KCNQ1: variants seen among roughly 807,000 people sequenced by gnomAD.
KCNQ1 encodes the protein potassium voltage-gated channel subfamily KQT member 1.
Under a neutral mutation model 72.4 loss-of-function variants are expected in KCNQ1, and 49 were observed. The observed-to-expected ratio is 0.68, with a 90% CI of 0.54 to 0.86. The LOEUF (loss-of-function observed/expected upper bound fraction) is 0.86, where lower values mean the gene tolerates loss of function less well. Among genes scored for constraint, KCNQ1 ranks in the 40% least tolerant of loss-of-function variants. KCNQ1 has a pLI of 0.00. For missense variants in KCNQ1, 790 were observed against 945.1 expected (o/e 0.84, Z 2.15); for synonymous variants, 450 against 412.6 (o/e 1.09, Z -1.10).
chr11:2,754,839 A>G (rs895259816), intron 11 of KCNQ1, among the ~76,000 whole-genome samples: 4 of 152,230 alleles, frequency 2.6e-5, no homozygotes, highest in Non-Finnish European at 5.9e-5. Context: ...GTGAAAGAAA[A>G]ACATTGGTCA....
At chr11:2,770,881 G>A (rs550616949) in intron 12 of KCNQ1, among the ~76,000 whole-genome samples, 1 of 152,390 alleles carries the variant, frequency 6.6e-6, no homozygotes, top group African/African-American at 2.4e-5. Context: ...AGACAGGGAA[G>A]GGGCTGCGTG....
chr11:2,661,446 G>A lies in KCNQ1; in HGVS notation c.1394-515G>A, dbSNP rs231364. The A allele has an allele frequency of 0.08, 35,270 of 438,848 alleles. 1,680 individuals are homozygous for A. The highest frequency in any genetic ancestry group is 0.15 in the Middle Eastern group (261 of 1,750). The allele number at this position is 438,848 out of a possible 1,614,324, so 27.2% of individuals were successfully genotyped here. On this transcript the variant is annotated intron_variant, in intron 10 of 15. Coordinates refer to ENST00000155840, the MANE Select transcript of KCNQ1 (RefSeq NM_000218.3). This position sits in a 1 kb window ranked among gnomAD's most constrained non-coding sequence, Gnocchi z 5.9. ...GTACAACTGGTTGATGTAGCATCGT[G>A]TTTTGAGGAAGGAGTTCTGTGGCTG... is the stretch of plus-strand genomic sequence containing the variant.
chr11:2,461,862 G>A (rs1846283606), intron 1 of KCNQ1: 2 of 531,428 alleles, frequency 3.8e-6, no homozygotes, highest in Admixed American at 2.8e-5. Flanking sequence ...AAAGGGGTGG[G>A]TGGACGGAGG....
rs1156499874 is a variant in KCNQ1 at position 2,483,210 on chromosome 11, G to A, written c.386+37726G>A. 6.6e-6 allele frequency among the ~76,000 whole-genome samples: 1 copy of A among 152,182 alleles called. No homozygotes were observed. Among genetic ancestry groups the A allele is most frequent in the African/African-American group, 2.4e-5 (1 of 41,442 alleles). On this transcript the variant is annotated intron_variant, in intron 1 of 15. Coordinates refer to ENST00000155840, the MANE Select transcript of KCNQ1 (RefSeq NM_000218.3). The surrounding 1 kb of genome is among the most constrained non-coding windows in gnomAD (Gnocchi z 6.1). The stretch of plus-strand genomic sequence containing the variant: ...GCAGGGAAGGTGCTGGAGATAGGAC[G>A]GGAGGGCCACGAGGGTTAAGATCCT...
At chr11:2,606,143 G>T (rs1318193882) in intron 10 of KCNQ1, among the ~76,000 whole-genome samples, 2 of 152,064 alleles carry the variant, frequency 1.3e-5, no homozygotes, top group Non-Finnish European at 2.9e-5. Context: ...GTTATACATG[G>T]AATTGTTTTC....
At chr11:2,574,415 C>T (rs1054073636) in intron 6 of KCNQ1, among the ~76,000 whole-genome samples, 11 of 148,626 alleles carry the variant, frequency 7.4e-5, no homozygotes, top group Non-Finnish European at 1.5e-4. Flanking sequence ...AGGAGGCCGT[C>T]GAAGCCCACA....
rs1847276370 is a variant in KCNQ1 at position 2,515,638 on chromosome 11, C to G, written c.387-12290C>G. 6.6e-6 allele frequency among the ~76,000 whole-genome samples: 1 copy of G among 152,138 alleles called. No individual in the cohort carries two copies. The highest frequency in any genetic ancestry group is 1.5e-5 in the Non-Finnish European group (1 of 68,006). ...CCAGCCCCTCCTCACCCTAGGCAGG[C>G]CTCTCACAGAGACAAGACGAGTGTC... is the stretch of plus-strand genomic sequence containing the variant. On this transcript the variant is annotated intron_variant, in intron 1 of 15. Transcript: ENST00000155840. The surrounding 1 kb of genome is among the most constrained non-coding windows in gnomAD (Gnocchi z 4.7).
At chr11:2,702,779 G>C (rs192133897) in intron 11 of KCNQ1, among the ~76,000 whole-genome samples, 8 of 152,260 alleles carry the variant, frequency 5.3e-5, no homozygotes, top group Non-Finnish European at 1.5e-5. Context: ...CTTAGCAGTG[G>C]GGTTGCCAGG....
chr11:2,666,493 C>G (rs1359813136), intron 11 of KCNQ1: 6 of 398,568 alleles, frequency 1.5e-5, no homozygotes, highest in Non-Finnish European at 2.7e-5. Flanking sequence ...TCGAGTTGCT[C>G]TTTTCCAGCA....
intron 6 of KCNQ1, among the ~76,000 whole-genome samples, chr11:2,578,452 C>T (rs1848453103): frequency 1.3e-5 from 2 of 152,228 alleles, no homozygotes; most frequent in Non-Finnish European, 2.9e-5. Flanking sequence ...AGAGGGGACA[C>T]CTGCCTGGAC....
At chr11:2,638,852 A>G (rs1849522976) in intron 10 of KCNQ1, 1 of 152,212 alleles carries the variant, frequency 6.6e-6, no homozygotes, top group Non-Finnish European at 1.5e-5. Flanking sequence ...CATGTACACC[A>G]GTCAGATGTA....
At chr11:2,570,929 A>T (rs948762255) in intron 3 of KCNQ1, among the ~76,000 whole-genome samples, 175 bp downstream of exon 3, 4 of 152,268 alleles carry the variant, frequency 2.6e-5, no homozygotes, top group Middle Eastern at 3.4e-3. Context: ...CAGCCTCTGC[A>T]CTCAGACGCT....
rs940292575 is a variant in KCNQ1 at position 2,622,974 on chromosome 11, G to A, written c.1393+34120G>A. On this transcript the variant is annotated intron_variant, in intron 10 of 15. Transcript: ENST00000155840. ...AATGTGTAACATGTTGATATGGTTT[G>A]GCTCTGTGTTCCCACCCAAATCTCA... 3 of 398,582 alleles carry A rather than the reference G, an allele frequency of 7.5e-6. No homozygotes were observed. The East Asian group carries it at 1.1e-4, about 14-fold the overall frequency. 24.7% of individuals were successfully genotyped at this position (398,582 alleles called of 1,614,324 possible). A position where few individuals can be genotyped will look rare whatever the true frequency, so the allele number is the denominator to read the frequency against.
chr11:2,608,677 TATTCTTGAACTCCTGGCCACAAGCA>T lies in KCNQ1; in HGVS notation c.1393+19829_1393+19853del, dbSNP rs572426148. 2.1e-3 allele frequency: 855 copies of T among 398,642 alleles called. 5 individuals carry two copies. Among genetic ancestry groups the T allele is most frequent in the African/African-American group, 0.016 (795 of 48,714 alleles). The allele number at this position is 398,642 out of a possible 1,614,324, so 24.7% of individuals were successfully genotyped here. A position where few individuals can be genotyped will look rare whatever the true frequency, so the allele number is the denominator to read the frequency against. ...TAGGGTCTTGCTTTGTTGTGCATGC[TATTCTTGAACTCCTGGCCACAAGCA>T]ATTCTCGAACTCCTGGCCACAAGCA... On this transcript the variant is annotated intron_variant, in intron 10 of 15. Transcript: ENST00000155840. The surrounding 1 kb of genome is among the most constrained non-coding windows in gnomAD (Gnocchi z 4.6).
chr11:2,562,528 G>T lies in KCNQ1; in HGVS notation c.478-8100G>T, dbSNP rs1011817658. ...CACTGCCCCCACAGGGAAGCGCCTG[G>T]CTCAGCACAGGCCCAGCCCTCTGGC... On this transcript the variant is annotated intron_variant, in intron 2 of 15. Coordinates refer to ENST00000155840, the MANE Select transcript of KCNQ1 (RefSeq NM_000218.3). This position sits in a 1 kb window ranked among gnomAD's most constrained non-coding sequence, Gnocchi z 7.5. 6.6e-6 allele frequency among the ~76,000 whole-genome samples: 1 copy of T among 152,168 alleles called. No individual in the cohort carries two copies. Among genetic ancestry groups the T allele is most frequent in the African/African-American group, 2.4e-5 (1 of 41,430 alleles).
At position 2,769,417 on chromosome 11, in the gene KCNQ1, C is replaced by G. The variant is rs1348615996; in HGVS notation, c.1590+498C>G. Among the ~76,000 whole-genome samples, 1 of 152,132 alleles carries G rather than the reference C, an allele frequency of 6.6e-6. No individual in the cohort carries two copies. The highest frequency in any genetic ancestry group is 2.4e-5 in the African/African-American group (1 of 41,420). ...TGGGAGGATGGAGGGAGGCTGGGCC[C>G]TGCTCTGTAAGAGGTGGGGTCCCCT... On this transcript the variant is annotated intron_variant, in intron 12 of 15. Coordinates refer to ENST00000155840, the MANE Select transcript of KCNQ1 (RefSeq NM_000218.3). This position sits in a 1 kb window ranked among gnomAD's most constrained non-coding sequence, Gnocchi z 4.6.
At chr11:2,456,259 T>C (rs1426667608) in intron 1 of KCNQ1, among the ~76,000 whole-genome samples, 3 of 150,652 alleles carry the variant, frequency 2.0e-5, no homozygotes, top group Non-Finnish European at 4.4e-5. Context: ...ATTGCACCAC[T>C]GCGCTCCAGC....
Position 2,690,480 on chromosome 11 carries a change from C to T in KCNQ1, c.1514+28399C>T, listed in dbSNP as rs1023229704. ...GCAGAGACTGGGTCCTGGGAACAGC[C>T]ACTGGGCCCAGTCGGGGGGGTCTCA... On this transcript the variant is annotated intron_variant, in intron 11 of 15. Coordinates refer to ENST00000155840, the MANE Select transcript of KCNQ1 (RefSeq NM_000218.3). This position sits in a 1 kb window ranked among gnomAD's most constrained non-coding sequence, Gnocchi z 5.1. The T allele has an allele frequency of 3.3e-5, 13 of 398,482 alleles. No individual in the cohort carries two copies. The highest frequency in any genetic ancestry group is 2.7e-4 in the African/African-American group (13 of 48,598). 24.7% of individuals were successfully genotyped at this position (398,482 alleles called of 1,614,324 possible). A position where few individuals can be genotyped will look rare whatever the true frequency, so the allele number is the denominator to read the frequency against.
Position 2,507,539 on chromosome 11 carries a change from G to A in KCNQ1, c.387-20389G>A, listed in dbSNP as rs114308293. Among the ~76,000 whole-genome samples, 2,477 of 152,266 alleles carry A rather than the reference G, an allele frequency of 0.016. 60 individuals carry two copies. The highest frequency in any genetic ancestry group is 0.056 in the African/African-American group (2,340 of 41,550). On this transcript the variant is annotated intron_variant, in intron 1 of 15. Coordinates refer to ENST00000155840, the MANE Select transcript of KCNQ1 (RefSeq NM_000218.3). This position sits in a 1 kb window ranked among gnomAD's most constrained non-coding sequence, Gnocchi z 5.4. ...GAAAAGGATGCTGCTGGGACCCCTC[G>A]CACCTGGGAGGATGCACTTTCTGTT...
Sources: gnomAD v4.1 joint callset for allele counts (sites outside exome capture counted in the v4.1 genomes callset) on GRCh38, gnomAD v4.1.1 for gene constraint, Gnocchi (gnomAD v3.1) non-coding constraint, MANE v1.5 for transcripts, NCBI Gene and HGNC (gene_info 2026-07-23, HGNC 2026-07-21) for gene names.